CELA3B: variants seen among roughly 807,000 people sequenced by gnomAD.
CELA3B encodes chymotrypsin-like elastase family member 3B.
In CELA3B, 34 loss-of-function variants were observed where a neutral mutation model predicts 37.2. That is an observed-to-expected ratio of 0.91 (90% CI 0.70 to 1.22). CELA3B has a LOEUF of 1.22. Ranked by LOEUF, CELA3B falls within the 50% of genes most tolerant of loss-of-function variation. CELA3B has a pLI of 0.00. For missense variants in CELA3B, 340 were observed against 363.1 expected (o/e 0.94, Z 0.52); for synonymous variants, 127 against 143.5 (o/e 0.89, Z 0.82).
intron 4 of CELA3B, among the ~76,000 whole-genome samples, chr1:21,996,983 A>G (rs1421989785): frequency 6.6e-6 from 1 of 151,364 alleles, no homozygotes; most frequent in African/African-American, 2.4e-5. Flanking sequence ...TCCGGTTTTT[A>G]AGAATTTATT....
At position 21,998,378 on chromosome 1, in the gene CELA3B, A is replaced by C. The variant is rs933028470; in HGVS notation, c.*189A>C. 4 of 339,978 alleles carry C rather than the reference A, an allele frequency of 1.2e-5. No individual in the cohort carries two copies. In the East Asian group the frequency reaches 3.1e-4, roughly 26 times the overall value. 21.1% of individuals were successfully genotyped at this position (339,978 alleles called of 1,614,324 possible). On this transcript the variant is annotated 3_prime_UTR_variant, in exon 5 of 5. Coordinates refer to the CELA3B transcript ENST00000400277. ...CACAGCAGTGAACAAAGCACACAAA[A>C]CCCCCCGCCCCATGGGGGCTCCGTT...
chr1:21,979,756 C>A (rs1189761829), intron 2 of CELA3B, among the ~76,000 whole-genome samples: 1 of 151,060 alleles, frequency 6.6e-6, no homozygotes, highest in Non-Finnish European at 1.5e-5. Context: ...GCTTGGCCTG[C>A]TTGCCACATT....
At chr1:21,979,558 T>C (rs71514208) in intron 2 of CELA3B, among the ~76,000 whole-genome samples, 134,874 of 148,960 alleles carry the variant, frequency 0.91, 61,825 homozygotes, top group Non-Finnish European at 0.98. Context: ...GTCCAAGCAA[T>C]CATCCCACAT....
At chr1:21,995,834 C>T (rs1460736401) in intron 4 of CELA3B, among the ~76,000 whole-genome samples, 3 of 146,758 alleles carry the variant, frequency 2.0e-5, no homozygotes, top group Admixed American at 1.4e-4. Context: ...GGGCTACGAG[C>T]AAAGGTTCTG....
chr1:21,980,778 A>T, intron 2 of CELA3B, 46 bp from the exon 3 acceptor site: 1 of 1,382,210 alleles, frequency 7.2e-7, no homozygotes, highest in East Asian at 2.3e-5. Context: ...GGCAACTCTC[A>T]TGGTGGGGCC....
intron 7 of CELA3B, among the ~76,000 whole-genome samples, chr1:21,988,219 AAAAC>A (rs557132125): frequency 5.6e-5 from 8 of 143,982 alleles, no homozygotes; most frequent in African/African-American, 2.0e-4. Context: ...CTCAAAAACA[AAAAC>A]AAACAAACAA....
chr1:21,997,515 C>T (rs1644895973), intron 4 of CELA3B, among the ~76,000 whole-genome samples: 1 of 150,730 alleles, frequency 6.6e-6, no homozygotes, highest in Non-Finnish European at 1.5e-5. Flanking sequence ...TGGTGAAACC[C>T]TGCCTCTACT....
chr1:21,993,450 G>T (rs1479852818), downstream of CELA3B, among the ~76,000 whole-genome samples: 1 of 125,220 alleles, frequency 8.0e-6, no homozygotes, highest in Non-Finnish European at 1.6e-5. Context: ...CAACAGAAAG[G>T]ACCTCCTCTC....
intron 4 of CELA3B, among the ~76,000 whole-genome samples, chr1:21,996,698 G>A (rs1256830249): frequency 6.0e-5 from 9 of 150,798 alleles, no homozygotes; most frequent in Non-Finnish European, 1.5e-5. Context: ...CTGTAACATC[G>A]GGAAGGTATG....
chr1:21,977,185 C>T (rs1644777451), intron 1 of CELA3B, 103 bp downstream of exon 1: 1 of 1,542,820 alleles, frequency 6.5e-7, no homozygotes. Flanking sequence ...TGCCTGGTTC[C>T]ACAGGAGGGG....
At chr1:21,995,990 G>A (rs1644888475) in intron 4 of CELA3B, among the ~76,000 whole-genome samples, 1 of 150,010 alleles carries the variant, frequency 6.7e-6, no homozygotes, top group Non-Finnish European at 1.5e-5. Context: ...GAGGCGGGCA[G>A]ATCACCTGAG....
At chr1:21,979,690 G>T (rs1644793561) in intron 2 of CELA3B, among the ~76,000 whole-genome samples, 1 of 151,038 alleles carries the variant, frequency 6.6e-6, no homozygotes, top group African/African-American at 2.4e-5. Flanking sequence ...CTGAGCTCCA[G>T]TGATCCTCCT....
chr1:21,995,994 A>G (rs1485450241), intron 4 of CELA3B, among the ~76,000 whole-genome samples: 2 of 149,834 alleles, frequency 1.3e-5, no homozygotes, highest in Non-Finnish European at 3.0e-5. Flanking sequence ...CGGGCAGATC[A>G]CCTGAGGTCG....
At chr1:21,991,976 C>T (rs12132124), downstream of CELA3B, among the ~76,000 whole-genome samples, 20 of 140,832 alleles carry the variant, frequency 1.4e-4, no homozygotes, top group Admixed American at 3.2e-4. Flanking sequence ...CAAAATTAGG[C>T]AGGTGTGGTG....
At chr1:21,979,448 CTTTTCTTTTT>C (rs1486472672) in intron 2 of CELA3B, among the ~76,000 whole-genome samples, 2 of 108,556 alleles carry the variant, frequency 1.8e-5, no homozygotes. Flanking sequence ...CTTTTCTTTT[CTTTTCTTTTT>C]TTTTTTTTTT....
chr1:21,994,833 C>G (rs1268502828), intron 4 of CELA3B, among the ~76,000 whole-genome samples: 1 of 150,102 alleles, frequency 6.7e-6, no homozygotes, highest in Non-Finnish European at 1.5e-5. Context: ...AACCTTCTCT[C>G]TACAAAAAAT....
chr1:21,995,129 C>T (rs1474001944), intron 4 of CELA3B, among the ~76,000 whole-genome samples: 1 of 140,614 alleles, frequency 7.1e-6, no homozygotes, highest in African/African-American at 2.9e-5. Flanking sequence ...TTGGCTCTCC[C>T]CCTTTCTTTT....
chr1:21,983,595 T>A (rs1265464500), intron 4 of CELA3B, 99 bp from the exon 5 acceptor site: 9 of 1,527,760 alleles, frequency 5.9e-6, no homozygotes, highest in South Asian at 1.2e-5. Flanking sequence ...GTGAAGGAGC[T>A]GGGGCATCTC....
chr1:21,982,978 G>T (rs562155297), intron 4 of CELA3B, among the ~76,000 whole-genome samples: 1 of 152,186 alleles, frequency 6.6e-6, no homozygotes, highest in Non-Finnish European at 1.5e-5. Flanking sequence ...AACTGGGAGG[G>T]TTAAAGGGTC....
Sources: gnomAD v4.1 joint callset for allele counts (sites outside exome capture counted in the v4.1 genomes callset) on GRCh38, gnomAD v4.1.1 for gene constraint, MANE v1.5 for transcripts, NCBI Gene and HGNC (gene_info 2026-07-23, HGNC 2026-07-21) for gene names.